Variants in DYM observed in about 807,000 individuals in gnomAD.
DYM encodes dyggve-Melchior-Clausen syndrome protein.
Under a neutral mutation model 93.1 loss-of-function variants are expected in DYM, and 78 were observed. The ratio of observed to expected loss-of-function variants is 0.84; its 90% CI spans 0.70 to 1.01. DYM has a LOEUF of 1.01. Ranked by LOEUF, DYM falls within the 50% of genes least tolerant of loss-of-function variation. The pLI is 0.00. For synonymous variants in DYM, 321 were observed against 319.7 expected, an observed-to-expected ratio of 1.00 and a Z score of -0.04; for missense variants, 789 against 845.0, an observed-to-expected ratio of 0.93 and a Z score of 0.82.
intron 10 of DYM, among the ~76,000 whole-genome samples, chr18:49,273,584 A>T (rs2094768591): frequency 1.3e-5 from 2 of 152,176 alleles, no homozygotes; most frequent in Non-Finnish European, 2.9e-5. Context: ...TTAGATACAC[A>T]AACGCCATTG....
intron 16 of DYM, chr18:49,116,104 G>A (rs933511888): frequency 6.6e-6 from 1 of 152,200 alleles, no homozygotes; most frequent in African/African-American, 2.4e-5. Context: ...GACATGCCCA[G>A]TTATAAGAAT....
chr18:49,392,158 T>C (rs955028389), intron 2 of DYM, among the ~76,000 whole-genome samples: 4 of 152,048 alleles, frequency 2.6e-5, no homozygotes, highest in African/African-American at 9.7e-5. Context: ...AGAAAAAAGA[T>C]ACAAAGATAC....
chr18:49,135,139 C>A (rs1405344442), intron 15 of DYM, among the ~76,000 whole-genome samples: 1 of 151,972 alleles, frequency 6.6e-6, no homozygotes, highest in Non-Finnish European at 1.5e-5. Context: ...AAAACCACTT[C>A]TCTCCAGATA....
intron 17 of DYM, among the ~76,000 whole-genome samples, chr18:49,094,685 T>C (rs889417490): frequency 1.3e-5 from 2 of 152,208 alleles, no homozygotes; most frequent in Admixed American, 6.5e-5. Flanking sequence ...TCAAATAATA[T>C]TTGATTGAAA....
intron 13 of DYM, among the ~76,000 whole-genome samples, chr18:49,251,910 C>T (rs1052223892): frequency 4.6e-5 from 7 of 151,938 alleles, no homozygotes; most frequent in Non-Finnish European, 8.8e-5. Flanking sequence ...TCAGTTCTCA[C>T]GCTGCTATAA....
chr18:49,317,596 T>TCTCTCC (rs1381346703), intron 8 of DYM, among the ~76,000 whole-genome samples: 5 of 31,140 alleles, frequency 1.6e-4, no homozygotes, highest in Non-Finnish European at 2.7e-4. Flanking sequence ...TCTCTCTCTC[T>TCTCTCC]CCCCCCTCCC....
intron 15 of DYM, among the ~76,000 whole-genome samples, chr18:49,125,639 TAGAA>T (rs1486007384): frequency 2.0e-5 from 3 of 152,202 alleles, no homozygotes; most frequent in Non-Finnish European, 4.4e-5. Context: ...TCTATCCAAT[TAGAA>T]AGCTTAGAAT....
At chr18:49,256,654 C>T (rs1252133780) in intron 13 of DYM, among the ~76,000 whole-genome samples, 3 of 152,128 alleles carry the variant, frequency 2.0e-5, no homozygotes, top group African/African-American at 4.8e-5. Context: ...TTCTCTAAAA[C>T]GCACACAGAT....
rs2094207082 is a variant in DYM at position 49,248,003 on chromosome 18, T to C, written c.1460+9007A>G. Among the ~76,000 whole-genome samples the C allele has an allele frequency of 2.0e-5, 3 of 152,226 alleles. No homozygotes were observed. In the South Asian group the frequency reaches 6.2e-4, roughly 31 times the overall value. On this transcript the variant is annotated intron_variant, in intron 13 of 17. Transcript: ENST00000675505. ...CTCCTTCCTTTCCTGGTTACTGCTA[T>C]GCCAAGATCAAACAAGGATCAGCAA... is the stretch of plus-strand genomic sequence containing the variant.
intron 13 of DYM, among the ~76,000 whole-genome samples, chr18:49,249,426 T>C (rs2144917435): frequency 6.6e-6 from 1 of 152,326 alleles, no homozygotes; most frequent in Middle Eastern, 3.4e-3. Flanking sequence ...ATAGGTCAAT[T>C]TGCTTATTAA....
chr18:49,413,078 C>T (rs2072467335), intron 2 of DYM: 1 of 152,154 alleles, frequency 6.6e-6, no homozygotes, highest in African/African-American at 2.4e-5. Flanking sequence ...TGGTTCTACT[C>T]TCAAAGATTA....
intron 13 of DYM, among the ~76,000 whole-genome samples, chr18:49,213,617 A>G (rs953754977): frequency 6.6e-6 from 1 of 152,172 alleles, no homozygotes; most frequent in Non-Finnish European, 1.5e-5. Flanking sequence ...TGCCTAGCCA[A>G]TTTATTTTCT....
At chr18:49,139,170 A>G (rs142263103) in intron 15 of DYM, among the ~76,000 whole-genome samples, 124 of 152,124 alleles carry the variant, frequency 8.2e-4, no homozygotes, top group Non-Finnish European at 1.4e-3. Flanking sequence ...TGTAATTTTA[A>G]TTTTTATCAG....
intron 3 of DYM, 61 bp from the exon 4 acceptor site, chr18:49,379,819 A>C: frequency 7.5e-7 from 1 of 1,334,712 alleles, no homozygotes; most frequent in Non-Finnish European, 1.1e-6. Context: ...AAGTGAGCTT[A>C]TCATAACATT....
intron 5 of DYM, among the ~76,000 whole-genome samples, chr18:49,372,223 T>C (rs183365508): frequency 2.0e-4 from 31 of 152,332 alleles, no homozygotes; most frequent in African/African-American, 7.5e-4. Context: ...TTTCCCCCTT[T>C]CAACAGTATC....
chr18:49,253,646 G>A (rs377154801), intron 13 of DYM, among the ~76,000 whole-genome samples: 7 of 152,100 alleles, frequency 4.6e-5, no homozygotes, highest in East Asian at 1.9e-4. Flanking sequence ...GGTCCGCACC[G>A]GCTACTCAAA....
intron 13 of DYM, among the ~76,000 whole-genome samples, chr18:49,212,097 G>T (rs1411927109): frequency 6.6e-6 from 1 of 151,788 alleles, no homozygotes; most frequent in East Asian, 1.9e-4. Context: ...CAAAATTGAG[G>T]GACATTCTAC....
chr18:49,347,687 ATGTTACATTTC>A (rs761760764), intron 6 of DYM, among the ~76,000 whole-genome samples: 14 of 152,214 alleles, frequency 9.2e-5, no homozygotes, highest in Admixed American at 6.5e-4. Flanking sequence ...TTCAAAAGCA[ATGTTACATTTC>A]TGTGAAGACA....
intron 5 of DYM, among the ~76,000 whole-genome samples, chr18:49,364,473 A>T (rs1445147740): frequency 6.6e-6 from 1 of 151,674 alleles, no homozygotes; most frequent in African/African-American, 2.4e-5. Context: ...AAGAAAGAAA[A>T]CTGACTCCTG....
Sources: allele counts gnomAD v4.1 joint callset (sites outside exome capture counted in the v4.1 genomes callset), GRCh38; gene constraint gnomAD v4.1.1; transcripts MANE v1.5; gene names NCBI Gene and HGNC (gene_info 2026-07-23, HGNC 2026-07-21).